FAM185A: variants seen among roughly 807,000 people sequenced by gnomAD.
FAM185A encodes family with sequence similarity 185 member A.
In FAM185A, 21 loss-of-function variants were observed where a neutral mutation model predicts 45.7. The ratio of observed to expected loss-of-function variants is 0.46; its 90% confidence interval spans 0.33 to 0.66. The LOEUF is 0.66. Ranked by LOEUF, FAM185A falls within the 30% of genes least tolerant of loss-of-function variation. The probability of loss-of-function intolerance (pLI) is 0.03; values close to 1 mark genes in which losing one functional copy is unlikely to be tolerated. For missense variants in FAM185A, 305 were observed against 485.4 expected, an observed-to-expected ratio of 0.63 and a Z score of 3.49; for synonymous variants, 117 against 194.0, an observed-to-expected ratio of 0.60 and a Z score of 3.30.
intron 4 of FAM185A, among the ~76,000 whole-genome samples, chr7:102,764,085 G>A (rs1266771898): frequency 6.6e-6 from 1 of 152,108 alleles, no homozygotes. Flanking sequence ...GCAATGAGAA[G>A]GAGAAGGGGA....
At chr7:102,802,246 T>C (rs1361790678) in intron 7 of FAM185A, among the ~76,000 whole-genome samples, 9 of 152,192 alleles carry the variant, frequency 5.9e-5, no homozygotes, top group Non-Finnish European at 1.0e-4. Flanking sequence ...CACATTCTAT[T>C]CAACAGCACA....
the FAM185A span, among the ~76,000 whole-genome samples, chr7:102,828,224 G>A: frequency 6.6e-6 from 1 of 152,110 alleles, no homozygotes; most frequent in East Asian, 1.9e-4. Flanking sequence ...AGCATGGAAT[G>A]TTCTTCCATT....
At chr7:102,765,947 G>A (rs1460494315) in intron 4 of FAM185A, among the ~76,000 whole-genome samples, 8 of 151,946 alleles carry the variant, frequency 5.3e-5, no homozygotes. Flanking sequence ...GGTTTTATAT[G>A]AATAATATTT....
chr7:102,843,641 T>A, the FAM185A span, among the ~76,000 whole-genome samples: 3 of 151,870 alleles, frequency 2.0e-5, no homozygotes, highest in Admixed American at 2.0e-4. Context: ...CCAGACATGG[T>A]CGTGGGCACC....
At position 102,776,999 on chromosome 7, in the gene FAM185A, G is replaced by A. The variant is rs934050296; in HGVS notation, c.836-254G>A. Among the ~76,000 whole-genome samples the A allele has an allele frequency of 3.3e-5, 5 of 152,230 alleles. No homozygotes were observed. The East Asian group carries it at 7.7e-4, about 23-fold the overall frequency. On this transcript the variant is annotated intron_variant, in intron 5 of 7. Transcript: ENST00000413034. ...TCTCCTTCCGACTCATTAAGTTTTA[G>A]AGTAAATGTTTAGAGATAAGTTATT...
chr7:102,778,168 C>T (rs1485869866), intron 6 of FAM185A, among the ~76,000 whole-genome samples: 1 of 152,190 alleles, frequency 6.6e-6, no homozygotes, highest in Non-Finnish European at 1.5e-5. Flanking sequence ...TTAGTAGTTG[C>T]TTTACCATAT....
At chr7:102,760,011 C>T (rs1169128976) in intron 3 of FAM185A, among the ~76,000 whole-genome samples, 1 of 152,034 alleles carries the variant, frequency 6.6e-6, no homozygotes, top group Non-Finnish European at 1.5e-5. Flanking sequence ...TAAATAATAG[C>T]ATCATTATTC....
At chr7:102,845,527 G>A in the FAM185A span, among the ~76,000 whole-genome samples, 3 of 152,108 alleles carry the variant, frequency 2.0e-5, no homozygotes, top group Admixed American at 1.3e-4. Context: ...GCTTGAAAGC[G>A]GGGACACCAC....
chr7:102,814,230 C>A, the FAM185A span: 1 of 152,078 alleles, frequency 6.6e-6, no homozygotes, highest in Non-Finnish European at 1.5e-5. Flanking sequence ...GAGATTAGTA[C>A]TAAAGAGGAG....
In FAM185A at chr7:102,749,630, C is replaced by T; in HGVS notation, c.423C>T (p.Ser141=). The change falls in exon 1 of 8, where the codon TCC becomes TCT. Residue 141 remains serine (S), a synonymous_variant. Coordinates refer to ENST00000413034, the MANE Select transcript of FAM185A (RefSeq NM_001145268.2). ...IVSDTIHPQA[S]VEVNAPLKFG... Reference sequence around the variant, plus strand: ...CTGATACTATCCACCCCCAGGCGTCCGTGGAGGTGAACGCGCCCCTGAAGT... The same window carrying T: ...CTGATACTATCCACCCCCAGGCGTCTGTGGAGGTGAACGCGCCCCTGAAGT... The T allele has an allele frequency of 2.7e-6, 4 of 1,488,318 alleles. No individual in the cohort carries two copies. Among genetic ancestry groups the T allele is most frequent in the South Asian group, 1.4e-5 (1 of 73,106 alleles). 92.2% of individuals were successfully genotyped at this position (1,488,318 alleles called of 1,614,324 possible).
the FAM185A span, among the ~76,000 whole-genome samples, chr7:102,841,659 A>G: frequency 1.3e-4 from 20 of 152,330 alleles, no homozygotes; most frequent in African/African-American, 4.8e-4. Context: ...AACTGCCTCC[A>G]CAATTAGAAA....
chr7:102,811,721 C>T (rs1357056353), downstream of FAM185A, among the ~76,000 whole-genome samples: 1 of 152,168 alleles, frequency 6.6e-6, no homozygotes, highest in East Asian at 1.9e-4. Flanking sequence ...TTTTTGAAAA[C>T]ATCTTTAATG....
the FAM185A span, chr7:102,827,060 TA>T: frequency 2.4e-6 from 1 of 421,570 alleles, no homozygotes; most frequent in African/African-American, 2.0e-5. Context: ...CTCTTGAATC[TA>T]AACTAACCTT....
intron 6 of FAM185A, among the ~76,000 whole-genome samples, chr7:102,777,882 T>G (rs1232229510): frequency 6.6e-6 from 1 of 152,198 alleles, no homozygotes; most frequent in Non-Finnish European, 1.5e-5. Context: ...CAACTTATTC[T>G]GAGTCCAACT....
At chr7:102,786,006 A>C (rs1041152266) in intron 6 of FAM185A, among the ~76,000 whole-genome samples, 4 of 152,252 alleles carry the variant, frequency 2.6e-5, no homozygotes, top group African/African-American at 9.6e-5. Context: ...CAGCCCCATC[A>C]AAAAGTGGAC....
At chr7:102,828,002 G>C in the FAM185A span, among the ~76,000 whole-genome samples, 1 of 152,180 alleles carries the variant, frequency 6.6e-6, no homozygotes, top group South Asian at 2.1e-4. Flanking sequence ...AGTATAGTTT[G>C]AAGTCAGGTA....
chr7:102,797,993 C>T (rs181712472), intron 7 of FAM185A, among the ~76,000 whole-genome samples: 11 of 152,242 alleles, frequency 7.2e-5, no homozygotes, highest in Admixed American at 6.5e-4. Flanking sequence ...ATATTTAGTG[C>T]AGAATAGATC....
the FAM185A span, among the ~76,000 whole-genome samples, chr7:102,819,538 G>A: frequency 6.6e-6 from 1 of 152,188 alleles, no homozygotes; most frequent in African/African-American, 2.4e-5. Flanking sequence ...ATTCCATTGA[G>A]TATGAGTGAA....
chr7:102,830,988 A>G, the FAM185A span, among the ~76,000 whole-genome samples: 1 of 152,178 alleles, frequency 6.6e-6, no homozygotes, highest in Non-Finnish European at 1.5e-5. Context: ...TCGGAAGGTC[A>G]GAGTACACGC....
Sources: allele counts gnomAD v4.1 joint callset (sites outside exome capture counted in the v4.1 genomes callset), GRCh38; gene constraint gnomAD v4.1.1; transcripts MANE v1.5; gene names NCBI Gene and HGNC (gene_info 2026-07-23, HGNC 2026-07-21).